INPP5B: variants seen among roughly 807,000 people sequenced by gnomAD.
INPP5B encodes the protein type II inositol 1,4,5-trisphosphate 5-phosphatase.
INPP5B carries 90 observed loss-of-function variants against 118.5 expected under a neutral mutation model. That is an observed-to-expected ratio of 0.76 (90% CI 0.64 to 0.90). The LOEUF (loss-of-function observed/expected upper bound fraction) is 0.90, where lower values mean the gene tolerates loss of function less well. Among genes scored for constraint, INPP5B ranks in the 40% least tolerant of loss-of-function variants. INPP5B has a pLI of 0.00. For missense variants in INPP5B, 984 were observed against 1,125.6 expected (o/e 0.87, Z 1.80); for synonymous variants, 385 against 418.9 (o/e 0.92, Z 0.99).
rs113325892 is a variant in INPP5B, at chr1:37,904,279, C to G, written c.533-12825G>C. On this transcript the variant is annotated intron_variant, in intron 7 of 23. Transcript: ENST00000373024. ...GGCAAAGATTGCAGTGAGCCGAGATCGCACCACTGAGCTCCAGCCTGGTGA... is the reference window on the plus strand; with the variant it reads ...GGCAAAGATTGCAGTGAGCCGAGATGGCACCACTGAGCTCCAGCCTGGTGA... 5.3e-5 allele frequency among the ~76,000 whole-genome samples: 8 copies of G among 151,988 alleles called. 2 individuals are homozygous for G. Among genetic ancestry groups the G allele is most frequent in the African/African-American group, 1.9e-4 (8 of 41,428 alleles).
chr1:37,872,722 C>T (rs540553867), intron 19 of INPP5B, among the ~76,000 whole-genome samples: 43 of 151,524 alleles, frequency 2.8e-4, no homozygotes, highest in South Asian at 6.3e-4. Flanking sequence ...GGGAAACCCA[C>T]AGAATCATGA....
chr1:37,940,650 AACCC>A, intron 6 of INPP5B, 34 bp downstream of exon 6: 2 of 1,263,190 alleles, frequency 1.6e-6, no homozygotes, highest in Non-Finnish European at 2.3e-6. Context: ...AATACCCAGC[AACCC>A]ACCCACCCCC....
chr1:37,875,850 A>G (rs1570022509), intron 16 of INPP5B, 134 bp from the exon 17 acceptor site: 2 of 624,296 alleles, frequency 3.2e-6, no homozygotes, highest in East Asian at 5.6e-5. Context: ...GATTTAGTTA[A>G]TTAATGAACT....
At chr1:37,884,685 C>T (rs1428116229) in intron 13 of INPP5B, among the ~76,000 whole-genome samples, 1 of 152,158 alleles carries the variant, frequency 6.6e-6, no homozygotes, top group African/African-American at 2.4e-5. Flanking sequence ...GGCGTGGTGG[C>T]TCATGCCTGT....
At chr1:37,944,809 C>A (rs987648290) in intron 3 of INPP5B, among the ~76,000 whole-genome samples, 3 of 150,770 alleles carry the variant, frequency 2.0e-5, no homozygotes, top group African/African-American at 7.3e-5. Flanking sequence ...GTAGGGGGGG[C>A]GGTCTCGCTA....
At chr1:37,912,990 G>A (rs1644751389) in intron 7 of INPP5B, among the ~76,000 whole-genome samples, 2 of 151,356 alleles carry the variant, frequency 1.3e-5, no homozygotes, top group South Asian at 4.2e-4. Context: ...AGGCGCAGTG[G>A]CTCATGCCTG....
At chr1:37,887,120 A>C in intron 11 of INPP5B, 116 bp from the exon 12 acceptor site, 2 of 837,872 alleles carry the variant, frequency 2.4e-6, no homozygotes, top group South Asian at 3.1e-5. Flanking sequence ...TCCACACTAG[A>C]ACACAGGTAA....
At chr1:37,874,350 A>T (rs1298917236) in intron 17 of INPP5B, among the ~76,000 whole-genome samples, 195 bp from the exon 18 acceptor site, 1 of 152,198 alleles carries the variant, frequency 6.6e-6, no homozygotes, top group East Asian at 1.9e-4. Flanking sequence ...AAATCCAAAA[A>T]TTCCGTTTGT....
intron 13 of INPP5B, chr1:37,885,162 C>T (rs9700081): frequency 0.24 from 36,148 of 152,244 alleles, 4,857 homozygotes; most frequent in Non-Finnish European, 0.3. Context: ...GCCTGTAATC[C>T]CAGCACTCTG....
chr1:37,940,785 G>A lies in INPP5B; in HGVS notation c.294C>T (p.Thr98=), dbSNP rs371505481. The change falls in exon 6 of 24, where the codon ACC becomes ACT. Residue 98 remains threonine, a synonymous_variant. Coordinates refer to ENST00000373024, the MANE Select transcript of INPP5B (RefSeq NM_005540.3). The part of the protein sequence containing the change: ...GELYILGSDV[T]VQLDTAELSL... ...TAAGCTCTGCTGTGTCCAGCTGGAC[G>A]GTCACATCTGAGCCTGCACAAAGGA... 16 of 1,612,566 alleles carry A rather than the reference G, an allele frequency of 9.9e-6. No individual in the cohort carries two copies. The highest frequency in any genetic ancestry group is 1.6e-4 in the Middle Eastern group (1 of 6,080).
intron 19 of INPP5B, among the ~76,000 whole-genome samples, chr1:37,869,272 C>A (rs1399001927): frequency 6.6e-6 from 1 of 151,556 alleles, no homozygotes; most frequent in African/African-American, 2.4e-5. Flanking sequence ...GGATTACAGG[C>A]GTGAGCCACC....
chr1:37,888,364 A>C lies in INPP5B; in HGVS notation c.798-20T>G, dbSNP rs778870890. 9.7e-6 allele frequency: 14 copies of C among 1,445,162 alleles called. No individual in the cohort carries two copies. Among genetic ancestry groups the C allele is most frequent in the Non-Finnish European group, 1.2e-5 (13 of 1,067,242 alleles). 89.5% of individuals were successfully genotyped at this position (1,445,162 alleles called of 1,614,324 possible). A position where few individuals can be genotyped will look rare whatever the true frequency, so the allele number is the denominator to read the frequency against. Reference sequence around the variant, plus strand: ...AAAAACCTGTCACCAAAGAGAAATAATTAGTGACTCCGAATCACTATGGAG... The same window carrying C: ...AAAAACCTGTCACCAAAGAGAAATACTTAGTGACTCCGAATCACTATGGAG... On this transcript the variant is annotated intron_variant, in intron 9 of 23. Coordinates refer to ENST00000373024, the MANE Select transcript of INPP5B (RefSeq NM_005540.3).
intron 5 of INPP5B, among the ~76,000 whole-genome samples, chr1:37,943,190 G>A (rs935368361): frequency 1.3e-5 from 2 of 151,900 alleles, no homozygotes; most frequent in Non-Finnish European, 2.9e-5. Context: ...AGTAGAGACG[G>A]GGTTTCTCCA....
At chr1:37,885,329 G>A (rs560298219) in intron 13 of INPP5B, among the ~76,000 whole-genome samples, 40 of 152,108 alleles carry the variant, frequency 2.6e-4, no homozygotes, top group African/African-American at 9.6e-4. Context: ...CAGGAGAACG[G>A]TATGAACCTG....
rs779884546 is a variant in INPP5B, at chr1:37,882,852, C to G, written c.1386G>C (p.Lys462Asn). The part of the protein sequence containing the change: ...IEELDVEKVK[K>N]LIEEKDFQML... ...TTTGAAAGTCCTTCTCTTCGATGAG[C>G]TTTTTCACTTTTTCCACATCCAGCT... is the stretch of plus-strand genomic sequence containing the variant. The change falls in exon 14 of 24, where the codon AAG becomes AAC. Residue 462 changes from lysine (K) to asparagine (N), a missense_variant. Around this residue, in one of 2 missense-constraint regions of INPP5B, gnomAD observed 634 missense variants for 791.0 expected, o/e 0.80. Coordinates refer to ENST00000373024, the MANE Select transcript of INPP5B (RefSeq NM_005540.3). 44 of 1,613,960 alleles carry G rather than the reference C, an allele frequency of 2.7e-5. No individual in the cohort carries two copies. In the South Asian group the frequency reaches 4.8e-4, roughly 18 times the overall value.
At chr1:37,939,288 G>A (rs996573674) in intron 6 of INPP5B, among the ~76,000 whole-genome samples, 3 of 150,712 alleles carry the variant, frequency 2.0e-5, no homozygotes, top group African/African-American at 7.3e-5. Context: ...TGCTTGAACC[G>A]GGGAGGTGGA....
chr1:37,929,737 ATTTT>A (rs367948596), intron 7 of INPP5B: 1 of 149,458 alleles, frequency 6.7e-6, no homozygotes, highest in South Asian at 2.1e-4. Context: ...TAAGAGAAAA[ATTTT>A]TTTTTTTTTC....
At chr1:37,888,513 C>A (rs908415378) in intron 9 of INPP5B, among the ~76,000 whole-genome samples, 169 bp from the exon 10 acceptor site, 1 of 152,178 alleles carries the variant, frequency 6.6e-6, no homozygotes, top group Non-Finnish European at 1.5e-5. Context: ...GAGTGACTTG[C>A]GGTCTGTCAT....
At position 37,862,610 on chromosome 1, in the gene INPP5B, T is replaced by C. The variant is rs574283268; in HGVS notation, c.2627-180A>G. ...TGTACTTACACAATTCTAGATGGTA[T>C]AGTCTATTGCTCCTAAGCTCCTGTA... On this transcript the variant is annotated intron_variant, in intron 23 of 23. Coordinates refer to ENST00000373024, the MANE Select transcript of INPP5B (RefSeq NM_005540.3). Among the ~76,000 whole-genome samples the C allele has an allele frequency of 1.1e-4, 16 of 152,360 alleles. No individual in the cohort carries two copies. In the South Asian group the frequency reaches 1.4e-3, roughly 14 times the overall value.
Sources: allele counts gnomAD v4.1 joint callset (sites outside exome capture counted in the v4.1 genomes callset), GRCh38; gene constraint gnomAD v4.1.1; regional missense constraint gnomAD v4.1.1; transcripts MANE v1.5; gene names NCBI Gene and HGNC (gene_info 2026-07-23, HGNC 2026-07-21).